Variants in NUP153 observed in about 807,000 individuals in gnomAD.
NUP153 encodes the protein nucleoporin 153, also known as nuclear pore complex protein Nup153.
A neutral mutation model predicts 134.6 loss-of-function variants in NUP153; 27 were observed. The ratio of observed to expected loss-of-function variants is 0.20; its 90% CI spans 0.15 to 0.28. The LOEUF (loss-of-function observed/expected upper bound fraction) is 0.28. NUP153 is among the 10% of genes least tolerant of loss of function. NUP153 has a pLI of 1.00. For missense variants in NUP153, 1,821 were observed against 1,731.3 expected (o/e 1.05, Z -0.92); for synonymous variants, 640 against 623.5 (o/e 1.03, Z -0.40).
At chr6:17,640,498 T>C (rs1765782010) in intron 14 of NUP153, among the ~76,000 whole-genome samples, 1 of 152,206 alleles carries the variant, frequency 6.6e-6, no homozygotes, top group African/African-American at 2.4e-5. Context: ...ATTAATATAA[T>C]TGAAAATATC....
At chr6:17,682,047 A>T (rs959664484) in intron 2 of NUP153, among the ~76,000 whole-genome samples, 2 of 152,094 alleles carry the variant, frequency 1.3e-5, no homozygotes, top group Admixed American at 1.3e-4. Flanking sequence ...ACGTCTACTA[A>T]AAATTTTTAA....
chr6:17,695,739 G>A (rs903468128), intron 1 of NUP153, among the ~76,000 whole-genome samples: 1 of 152,194 alleles, frequency 6.6e-6, no homozygotes, highest in Non-Finnish European at 1.5e-5. Flanking sequence ...GCTGGGCACG[G>A]TGGCTCACGC....
intron 1 of NUP153, among the ~76,000 whole-genome samples, chr6:17,693,147 T>C (rs1178183607): frequency 6.6e-6 from 1 of 151,566 alleles, no homozygotes; most frequent in Non-Finnish European, 1.5e-5. Flanking sequence ...TTTAAAGTTT[T>C]TCTTTACTCA....
At chr6:17,642,474 A>G (rs1765887204) in intron 14 of NUP153, among the ~76,000 whole-genome samples, 1 of 152,260 alleles carries the variant, frequency 6.6e-6, no homozygotes, top group Admixed American at 6.5e-5. Flanking sequence ...CATCATTTGC[A>G]TTAGGGAAAT....
At chr6:17,686,791 G>T (rs1768959894) in intron 2 of NUP153, among the ~76,000 whole-genome samples, 1 of 151,436 alleles carries the variant, frequency 6.6e-6, no homozygotes, top group Non-Finnish European at 1.5e-5. Flanking sequence ...GGTGAGTTGG[G>T]GGTAGGAAGG....
At chr6:17,659,154 G>A (rs1473366876) in intron 11 of NUP153, among the ~76,000 whole-genome samples, 1 of 152,198 alleles carries the variant, frequency 6.6e-6, no homozygotes, top group Non-Finnish European at 1.5e-5. Context: ...CTGACCTCTC[G>A]CCAACTGACT....
At chr6:17,696,829 T>C (rs533798846) in intron 1 of NUP153, among the ~76,000 whole-genome samples, 4 of 151,994 alleles carry the variant, frequency 2.6e-5, no homozygotes, top group East Asian at 1.9e-4. Flanking sequence ...TCCCAGCACA[T>C]TGGGAGGCCG....
At chr6:17,644,183 T>A (rs1766015130) in intron 14 of NUP153, among the ~76,000 whole-genome samples, 1 of 152,204 alleles carries the variant, frequency 6.6e-6, no homozygotes, top group Non-Finnish European at 1.5e-5. Flanking sequence ...CTGACTCTTT[T>A]TATTTTTTAA....
chr6:17,683,577 A>G (rs1336036100), intron 2 of NUP153, among the ~76,000 whole-genome samples: 2 of 152,204 alleles, frequency 1.3e-5, no homozygotes, highest in Non-Finnish European at 2.9e-5. Flanking sequence ...CCATGCTGTA[A>G]ATAGATGTGT....
intron 2 of NUP153, among the ~76,000 whole-genome samples, chr6:17,682,437 T>C (rs758736844): frequency 1.3e-5 from 2 of 152,202 alleles, no homozygotes; most frequent in African/African-American, 2.4e-5. Context: ...TGACTATTCC[T>C]TTAACGAAAG....
intron 15 of NUP153, 106 bp from the exon 16 acceptor site, chr6:17,637,876 T>C: frequency 8.1e-7 from 1 of 1,237,624 alleles, no homozygotes; most frequent in Non-Finnish European, 1.1e-6. Flanking sequence ...GCACACTTAC[T>C]ACAATCCAAG....
rs1267585617 is a variant in NUP153, at chr6:17,706,150, G to A, written c.111+127C>T. The stretch of plus-strand genomic sequence containing the variant: ...CCCCAACGGCCTGAGCTCCCCCGGA[G>A]CCTCACTCGGGCCTTTCCTCAGGCC... On this transcript the variant is annotated intron_variant, in intron 1 of 21. Coordinates refer to ENST00000262077, the MANE Select transcript of NUP153 (RefSeq NM_005124.4). The surrounding 1 kb of genome is among the most constrained non-coding windows in gnomAD (Gnocchi z 5.9). 16 of 736,116 alleles carry A rather than the reference G, an allele frequency of 2.2e-5. No homozygotes were observed. Among genetic ancestry groups the A allele is most frequent in the East Asian group, 1.4e-4 (5 of 36,682 alleles). 45.6% of individuals were successfully genotyped at this position (736,116 alleles called of 1,614,324 possible). A position where few individuals can be genotyped will look rare whatever the true frequency, so the allele number is the denominator to read the frequency against.
At chr6:17,692,517 A>G (rs1581774056) in intron 1 of NUP153, among the ~76,000 whole-genome samples, 1 of 152,012 alleles carries the variant, frequency 6.6e-6, no homozygotes, top group African/African-American at 2.4e-5. Context: ...TTCTAAAAAC[A>G]AAAAGACAAA....
chr6:17,631,187 AC>A (rs1765233408), intron 17 of NUP153, among the ~76,000 whole-genome samples: 1 of 152,186 alleles, frequency 6.6e-6, no homozygotes, highest in Non-Finnish European at 1.5e-5. Flanking sequence ...ATACCAGGGA[AC>A]CTTACACCTA....
At chr6:17,696,201 T>C (rs774390406) in intron 1 of NUP153, among the ~76,000 whole-genome samples, 8 of 152,170 alleles carry the variant, frequency 5.3e-5, no homozygotes, top group Non-Finnish European at 1.2e-4. Context: ...AGGTACCTCC[T>C]TGACTGGCAG....
intron 2 of NUP153, among the ~76,000 whole-genome samples, chr6:17,684,154 C>G (rs556739532): frequency 2.0e-5 from 3 of 152,318 alleles, no homozygotes; most frequent in South Asian, 4.1e-4. Context: ...CATGCCCACA[C>G]AGTTTGCAGA....
At chr6:17,700,673 T>C (rs1769995723) in intron 1 of NUP153, among the ~76,000 whole-genome samples, 1 of 152,150 alleles carries the variant, frequency 6.6e-6, no homozygotes, top group Non-Finnish European at 1.5e-5. Context: ...ACAAAGAAGC[T>C]ACCAAAACAA....
Position 17,625,749 on chromosome 6 carries a change from G to A in NUP153, c.3901+59C>T. ...TGCTATATGATATTCGCTAAGAACT[G>A]ACACACTAATAAGTAAAGTCCATCC... is the stretch of plus-strand genomic sequence containing the variant. On this transcript the variant is annotated intron_variant, in intron 19 of 21. Transcript: ENST00000262077. The surrounding 1 kb of genome is among the most constrained non-coding windows in gnomAD (Gnocchi z 4.7). 2 of 1,288,754 alleles carry A rather than the reference G, an allele frequency of 1.6e-6. No homozygotes were observed. The highest frequency in any genetic ancestry group is 2.5e-5 in the South Asian group (2 of 78,630). 79.8% of individuals were successfully genotyped at this position (1,288,754 alleles called of 1,614,324 possible).
Position 17,675,162 on chromosome 6 carries a change from A to G in NUP153, c.723+67T>C. The G allele has an allele frequency of 6.4e-7, 1 of 1,569,286 alleles. No individual in the cohort carries two copies. The highest frequency in any genetic ancestry group is 8.6e-7 in the Non-Finnish European group (1 of 1,161,636). On this transcript the variant is annotated intron_variant, in intron 4 of 21. Transcript: ENST00000262077. The surrounding 1 kb of genome is among the most constrained non-coding windows in gnomAD (Gnocchi z 4.4). ...CAAAAGACTCTTGTCTCAGAAAAAAAAAAAAAAATTATAAGCAATAAACAC... is the reference window on the plus strand; with the variant it reads ...CAAAAGACTCTTGTCTCAGAAAAAAGAAAAAAAATTATAAGCAATAAACAC...
Sources: allele counts gnomAD v4.1 joint callset (sites outside exome capture counted in the v4.1 genomes callset), GRCh38; gene constraint gnomAD v4.1.1; non-coding constraint Gnocchi (gnomAD v3.1); transcripts MANE v1.5; gene names NCBI Gene and HGNC (gene_info 2026-07-23, HGNC 2026-07-21).